DCC: variants seen among roughly 807,000 people sequenced by gnomAD.
The protein encoded by DCC is DCC netrin 1 receptor, also known as netrin receptor DCC.
In DCC, 58 loss-of-function variants were observed where a neutral mutation model predicts 172.5. That is an observed-to-expected ratio of 0.34 (90% CI 0.27 to 0.42). DCC has a LOEUF of 0.42. Ranked by LOEUF, DCC falls within the 10% of genes least tolerant of loss-of-function variation. DCC has a pLI of 1.00. For missense variants in DCC, 1,740 were observed against 1,791.0 expected (o/e 0.97, Z 0.51); for synonymous variants, 709 against 644.5 (o/e 1.10, Z -1.52).
rs1384303394 is a variant in DCC, at chr18:53,530,405, C to A, written c.4255-159C>A. 4 of 711,796 alleles carry A rather than the reference C, an allele frequency of 5.6e-6. No individual in the cohort carries two copies. The South Asian group carries it at 5.8e-5, about 10-fold the overall frequency. The allele number at this position is 711,796 out of a possible 1,614,324, so 44.1% of individuals were successfully genotyped here. ...TCTTATTATCCCCTTTTATTACCAG[C>A]ATCTTCATTCAGTGAGTATATTCCA... On this transcript the variant is annotated intron_variant, in intron 28 of 28. Coordinates refer to ENST00000442544, the MANE Select transcript of DCC (RefSeq NM_005215.4).
chr18:52,484,671 A>G (rs1168361330), intron 1 of DCC, among the ~76,000 whole-genome samples: 3 of 152,062 alleles, frequency 2.0e-5, no homozygotes, highest in Non-Finnish European at 4.4e-5. Context: ...TAGTTCTTCT[A>G]TAGAAGTGCC....
rs542701097 is a variant in DCC at position 52,436,984 on chromosome 18, T to C, written c.91+96106T>C. ...GATAATTATTAAATTTCCCATTTTA[T>C]AGATGGAGAAACTGATCCTCTGAAT... On this transcript the variant is annotated intron_variant, in intron 1 of 28. Transcript: ENST00000442544. Among the ~76,000 whole-genome samples, 13 of 152,306 alleles carry C rather than the reference T, an allele frequency of 8.5e-5. No individual in the cohort carries two copies. The South Asian group carries it at 1.9e-3, about 22-fold the overall frequency.
intron 1 of DCC, among the ~76,000 whole-genome samples, chr18:52,580,759 T>C (rs1251830801): frequency 1.3e-5 from 2 of 152,164 alleles, no homozygotes; most frequent in Non-Finnish European, 2.9e-5. Flanking sequence ...GGTTGCCTTT[T>C]AAGTGACATG....
chr18:53,081,687 G>A (rs1281050020), intron 7 of DCC, among the ~76,000 whole-genome samples: 1 of 151,854 alleles, frequency 6.6e-6, no homozygotes, highest in East Asian at 1.9e-4. Context: ...GAATCCAGAG[G>A]TACCGCTTGT....
In DCC at chr18:53,209,947, C is replaced by A. The variant is rs1031542457; in HGVS notation, c.1861+2130C>A. Among the ~76,000 whole-genome samples the A allele has an allele frequency of 6.6e-5, 10 of 152,198 alleles. No homozygotes were observed. The South Asian group carries it at 2.1e-3, about 31-fold the overall frequency. On this transcript the variant is annotated intron_variant, in intron 11 of 28. Transcript: ENST00000442544. ...AATGTTACAATGTTTAGGACTTAGA[C>A]AGTGTCTGTCAGTATAAAAAAAGTA... is the stretch of plus-strand genomic sequence containing the variant.
chr18:53,157,444 C>T lies in DCC; in HGVS notation c.1350C>T (p.Arg450=), dbSNP rs745799722. ...VSSRFVRLSW[R]PPAEAKGNIQ... The stretch of plus-strand genomic sequence containing the variant: ...GCCGATTTGTCCGTCTCAGCTGGCG[C>T]CCACCTGCAGAAGCGAAAGGGAACA... Residue 450 remains arginine (R), a synonymous_variant, in exon 8 of 29, where the codon CGC becomes CGT. Transcript: ENST00000442544. The T allele has an allele frequency of 1.9e-6, 3 of 1,614,024 alleles. No homozygotes were observed. Among genetic ancestry groups the T allele is most frequent in the Non-Finnish European group, 8.5e-7 (1 of 1,180,028 alleles).
chr18:52,614,761 G>GA (rs36093491), intron 1 of DCC, among the ~76,000 whole-genome samples: 5,285 of 151,316 alleles, frequency 0.035, 142 homozygotes, highest in Admixed American at 0.063. Context: ...TGTTACATCT[G>GA]AAAAAAAAAT....
intron 1 of DCC, among the ~76,000 whole-genome samples, chr18:52,511,545 T>A (rs114078695): frequency 2.6e-5 from 4 of 152,132 alleles, no homozygotes; most frequent in African/African-American, 7.2e-5. Flanking sequence ...TATTTTTGAA[T>A]GAGGACCTGG....
In DCC at chr18:53,035,603, T is replaced by C. The variant is rs1389648073; in HGVS notation, c.986-27702T>C. 4.6e-5 allele frequency among the ~76,000 whole-genome samples: 7 copies of C among 152,252 alleles called. No individual in the cohort carries two copies. In the East Asian group the frequency reaches 1.3e-3, roughly 29 times the overall value. On this transcript the variant is annotated intron_variant, in intron 5 of 28. Transcript: ENST00000442544. ...TTGTCTCTCAAATATTATGAGCATA[T>C]TGCTCAAAGCCGCTTGCTTAAAGAG...
chr18:52,746,676 G>A (rs952303025), intron 1 of DCC, among the ~76,000 whole-genome samples: 1 of 152,094 alleles, frequency 6.6e-6, no homozygotes, highest in African/African-American at 2.4e-5. Flanking sequence ...GATCATTTTG[G>A]TGAGTTTCTA....
At chr18:53,415,492 A>G (rs898767307) in intron 20 of DCC, among the ~76,000 whole-genome samples, 1 of 151,292 alleles carries the variant, frequency 6.6e-6, no homozygotes, top group Non-Finnish European at 1.5e-5. Flanking sequence ...TGGTTAGCAG[A>G]AAAAAAAAGT....
chr18:52,520,968 G>T (rs1047703096), intron 1 of DCC, among the ~76,000 whole-genome samples: 4 of 151,990 alleles, frequency 2.6e-5, no homozygotes, highest in African/African-American at 9.7e-5. Flanking sequence ...TTTACTTTCT[G>T]TTTAATTATG....
At chr18:53,177,624 T>G (rs893721001) in intron 8 of DCC, among the ~76,000 whole-genome samples, 1 of 152,226 alleles carries the variant, frequency 6.6e-6, no homozygotes, top group African/African-American at 2.4e-5. Context: ...AAGGTCATCA[T>G]GCTTCCCTAC....
chr18:52,517,737 C>G (rs2144660280), intron 1 of DCC, among the ~76,000 whole-genome samples: 1 of 152,286 alleles, frequency 6.6e-6, no homozygotes, highest in African/African-American at 2.4e-5. Flanking sequence ...TTGTCAGGCC[C>G]TCTTGTTCCC....
At chr18:52,535,646 A>C (rs967137121) in intron 1 of DCC, among the ~76,000 whole-genome samples, 8 of 152,228 alleles carry the variant, frequency 5.3e-5, no homozygotes, top group Non-Finnish European at 1.2e-4. Context: ...ATTGGAAAGC[A>C]AATGATTTTG....
At chr18:52,604,500 C>A (rs1048454325) in intron 1 of DCC, among the ~76,000 whole-genome samples, 1 of 152,124 alleles carries the variant, frequency 6.6e-6, no homozygotes, top group Non-Finnish European at 1.5e-5. Flanking sequence ...TGAAAAGTGG[C>A]ACTTCCCATT....
chr18:52,358,026 G>T (rs1229970911), intron 1 of DCC, among the ~76,000 whole-genome samples: 1 of 151,694 alleles, frequency 6.6e-6, no homozygotes, highest in Non-Finnish European at 1.5e-5. Context: ...TTGATAGCAT[G>T]TACCCCCTGA....
chr18:52,888,092 A>G (rs2039594668), intron 2 of DCC, among the ~76,000 whole-genome samples: 1 of 152,184 alleles, frequency 6.6e-6, no homozygotes, highest in Non-Finnish European at 1.5e-5. Flanking sequence ...CTTTGTTTTA[A>G]TTGGTGATTG....
intron 1 of DCC, among the ~76,000 whole-genome samples, chr18:52,578,194 A>G (rs2033459970): frequency 6.6e-6 from 1 of 152,258 alleles, no homozygotes; most frequent in South Asian, 2.1e-4. Flanking sequence ...AATCTTAGAC[A>G]GTCATATGTC....
Sources: allele counts gnomAD v4.1 joint callset (sites outside exome capture counted in the v4.1 genomes callset), GRCh38; gene constraint gnomAD v4.1.1; transcripts MANE v1.5; gene names NCBI Gene and HGNC (gene_info 2026-07-23, HGNC 2026-07-21).